The following KLHL22 variants were observed in gnomAD, a reference collection of about 807,000 sequenced individuals.
KLHL22 encodes the protein kelch like family member 22, also known as kelch-like protein 22.
A neutral mutation model predicts 60.7 loss-of-function variants in KLHL22; 18 were observed. That is an observed-to-expected ratio of 0.30 (90% CI 0.20 to 0.44). The LOEUF (loss-of-function observed/expected upper bound fraction) is 0.44. Among genes scored for constraint, KLHL22 ranks in the 20% least tolerant of loss-of-function variants. The probability of loss-of-function intolerance (pLI) is 1.00; values close to 1 mark genes in which losing one functional copy is unlikely to be tolerated. For synonymous variants in KLHL22, 355 were observed against 354.5 expected, an observed-to-expected ratio of 1.00 and a Z score of -0.01; for missense variants, 596 against 852.3, an observed-to-expected ratio of 0.70 and a Z score of 3.74.
At chr22:20,473,673 C>T (rs966121332) in intron 2 of KLHL22, among the ~76,000 whole-genome samples, 12 of 152,228 alleles carry the variant, frequency 7.9e-5, no homozygotes, top group Admixed American at 6.5e-4. Context: ...GTTGGGAGTT[C>T]GACACCAGCC....
chr22:20,451,619 C>A, intron 5 of KLHL22: 1 of 1,602,304 alleles, frequency 6.2e-7, no homozygotes, highest in East Asian at 2.2e-5. Context: ...GATTCCCGGA[C>A]AACTGCCACC....
At chr22:20,469,347 C>T (rs1377122139) in intron 3 of KLHL22, among the ~76,000 whole-genome samples, 4 of 151,974 alleles carry the variant, frequency 2.6e-5, no homozygotes, top group Admixed American at 6.6e-5. Context: ...GCAGGATGGT[C>T]ACAGGACACA....
intron 2 of KLHL22, among the ~76,000 whole-genome samples, chr22:20,476,635 G>A (rs1319317659): frequency 6.6e-6 from 1 of 150,970 alleles, no homozygotes; most frequent in Non-Finnish European, 1.5e-5. Flanking sequence ...GGATGGTCTC[G>A]ATCTCCTGAC....
chr22:20,452,197 A>C (rs1215854025), intron 5 of KLHL22, among the ~76,000 whole-genome samples: 1 of 151,210 alleles, frequency 6.6e-6, no homozygotes, highest in Non-Finnish European at 1.5e-5. Flanking sequence ...ACTAGATGTG[A>C]GCAATATCCA....
chr22:20,480,566 G>A (rs1007593066), intron 2 of KLHL22, among the ~76,000 whole-genome samples: 30 of 152,214 alleles, frequency 2.0e-4, no homozygotes, highest in African/African-American at 6.5e-4. Flanking sequence ...GGGTCAGCTT[G>A]TTCAGGTCCT....
intron 5 of KLHL22, among the ~76,000 whole-genome samples, chr22:20,455,665 A>G (rs1173918704): frequency 6.6e-6 from 1 of 152,150 alleles, no homozygotes; most frequent in African/African-American, 2.4e-5. Context: ...CACCCCCGGG[A>G]GCCTGTGTTG....
chr22:20,484,035 T>C (rs1001432407), intron 2 of KLHL22: 12 of 809,144 alleles, frequency 1.5e-5, no homozygotes, highest in Admixed American at 9.2e-5. Context: ...CCAGGCGCCA[T>C]AGCTGGGAGC....
Position 20,441,912 on chromosome 22 carries a change from C to A in KLHL22, c.*161G>T, listed in dbSNP as rs2146149135. On this transcript the variant is annotated 3_prime_UTR_variant, in exon 7 of 7. Coordinates refer to ENST00000328879, the MANE Select transcript of KLHL22 (RefSeq NM_032775.4). Reference sequence around the variant, plus strand: ...ATGGCCCTGAGATGCCTGCGGCAGGCTGGCCAAGGGGCTGGTGTGAAGAAA... The same window carrying A: ...ATGGCCCTGAGATGCCTGCGGCAGGATGGCCAAGGGGCTGGTGTGAAGAAA... 2 of 634,326 alleles carry A rather than the reference C, an allele frequency of 3.2e-6. No individual in the cohort carries two copies. The highest frequency in any genetic ancestry group is 4.9e-6 in the Non-Finnish European group (2 of 405,550). 39.3% of individuals were successfully genotyped at this position (634,326 alleles called of 1,614,324 possible).
chr22:20,455,534 T>C (rs536135615), intron 5 of KLHL22, among the ~76,000 whole-genome samples: 2 of 152,284 alleles, frequency 1.3e-5, no homozygotes, highest in South Asian at 2.1e-4. Flanking sequence ...GCCCCTAGCA[T>C]GGCCAGAGGG....
In KLHL22 at chr22:20,453,718, T is replaced by C. The variant is rs2053016733; in HGVS notation, c.1305+4090A>G. On this transcript the variant is annotated intron_variant, in intron 5 of 6. Transcript: ENST00000328879. Reference sequence around the variant, plus strand: ...ATCAAATCAAAATTAAAAAATTTATTTTATTTATTTTGAAATTTATTTTAT... The same window carrying C: ...ATCAAATCAAAATTAAAAAATTTATCTTATTTATTTTGAAATTTATTTTAT... Among the ~76,000 whole-genome samples the C allele has an allele frequency of 3.3e-5, 5 of 152,168 alleles. No individual in the cohort carries two copies. The South Asian group carries it at 1.0e-3, about 32-fold the overall frequency.
chr22:20,486,477 C>T (rs1260233030), intron 2 of KLHL22, among the ~76,000 whole-genome samples: 2 of 152,188 alleles, frequency 1.3e-5, no homozygotes. Flanking sequence ...AGACACCCAA[C>T]ATACAACTGC....
intron 6 of KLHL22, 102 bp from the exon 7 acceptor site, chr22:20,442,540 C>A: frequency 7.2e-7 from 1 of 1,397,726 alleles, no homozygotes. Context: ...ACCCACCATT[C>A]TGACAGGTCA....
At position 20,495,734 on chromosome 22, in the gene KLHL22, C is replaced by G. The variant is rs2053758479; in HGVS notation, c.-34+26G>C. On this transcript the variant is annotated intron_variant, in intron 1 of 6. Coordinates refer to ENST00000328879, the MANE Select transcript of KLHL22 (RefSeq NM_032775.4). This position sits in a 1 kb window ranked among gnomAD's most constrained non-coding sequence, Gnocchi z 4.6. ...CCCCCGCGTTCGCTGCCGCCCGGCC[C>G]GTTCGGCTCACGCCTCGCAGCTGAC... is the stretch of plus-strand genomic sequence containing the variant. 1 of 151,544 alleles carries G rather than the reference C, an allele frequency of 6.6e-6. No homozygotes were observed. The highest frequency in any genetic ancestry group is 6.6e-5 in the Admixed American group (1 of 15,158). 9.4% of individuals were successfully genotyped at this position (151,544 alleles called of 1,614,324 possible).
intron 5 of KLHL22, among the ~76,000 whole-genome samples, chr22:20,454,350 A>T (rs1369347466): frequency 2.6e-5 from 4 of 152,206 alleles, no homozygotes; most frequent in South Asian, 4.1e-4. Context: ...AAATAAAAAA[A>T]TTTTTAAAAA....
At chr22:20,478,908 C>G (rs1291461791) in intron 2 of KLHL22, among the ~76,000 whole-genome samples, 2 of 150,688 alleles carry the variant, frequency 1.3e-5, no homozygotes, top group Non-Finnish European at 3.0e-5. Context: ...GTGGGCGGAT[C>G]ACCTGAGGTC....
At chr22:20,483,634 C>T (rs1015403792) in intron 2 of KLHL22, 46 of 725,624 alleles carry the variant, frequency 6.3e-5, no homozygotes, top group Non-Finnish European at 7.4e-5. Flanking sequence ...AGCAGCAAGA[C>T]GGGCATTGTC....
At chr22:20,472,908 C>T (rs762062322) in intron 2 of KLHL22, among the ~76,000 whole-genome samples, 2 of 151,988 alleles carry the variant, frequency 1.3e-5, no homozygotes, top group African/African-American at 2.4e-5. Flanking sequence ...GAGGGAGTTC[C>T]AGGTGAAGGA....
chr22:20,495,640 G>GA lies in KLHL22; in HGVS notation c.-34+119_-34+120insT. ...GCCCCCGAGCCTCCGGCCCGCGCCC[G>GA]CCCCCGCGCCCCTCGGACTCCGCGC... On this transcript the variant is annotated intron_variant, in intron 1 of 6. Transcript: ENST00000328879. This position sits in a 1 kb window ranked among gnomAD's most constrained non-coding sequence, Gnocchi z 4.6. 1 of 150,932 alleles carries GA rather than the reference G, an allele frequency of 6.6e-6. No homozygotes were observed. The allele number at this position is 150,932 out of a possible 1,614,324, so 9.3% of individuals were successfully genotyped here.
chr22:20,450,234 GTA>G, intron 5 of KLHL22: 1 of 841,482 alleles, frequency 1.2e-6, no homozygotes, highest in Non-Finnish European at 2.1e-6. Flanking sequence ...GTGACATTGA[GTA>G]GAGCAGAAAG....
Sources: allele counts gnomAD v4.1 joint callset (sites outside exome capture counted in the v4.1 genomes callset), GRCh38; gene constraint gnomAD v4.1.1; non-coding constraint Gnocchi (gnomAD v3.1); transcripts MANE v1.5; gene names NCBI Gene and HGNC (gene_info 2026-07-23, HGNC 2026-07-21).